The following UCK2 variants were observed in gnomAD, a reference collection of about 807,000 sequenced individuals.
UCK2 encodes the protein cytidine monophosphokinase 2.
UCK2 carries 6 observed loss-of-function variants against 30.8 expected under a neutral mutation model. The observed-to-expected ratio is 0.19, with a 90% confidence interval of 0.11 to 0.38. The LOEUF is 0.38. Ranked by LOEUF, UCK2 falls within the 10% of genes least tolerant of loss-of-function variation. The probability of loss-of-function intolerance (pLI) is 1.00; values close to 1 mark genes in which losing one functional copy is unlikely to be tolerated. For missense variants in UCK2, 210 were observed against 339.8 expected (o/e 0.62, Z 3.00); for synonymous variants, 125 against 133.6 (o/e 0.94, Z 0.45).
chr1:165,898,403 A>G (rs977634764), intron 4 of UCK2, among the ~76,000 whole-genome samples: 2 of 152,210 alleles, frequency 1.3e-5, no homozygotes, highest in African/African-American at 2.4e-5. Flanking sequence ...ATAAATATCT[A>G]TGTGGCAGAT....
intron 1 of UCK2, among the ~76,000 whole-genome samples, chr1:165,881,182 T>TAAAAAA (rs56886913): frequency 5.4e-5 from 5 of 92,848 alleles, no homozygotes; most frequent in African/African-American, 1.3e-4. Flanking sequence ...CAATAAAACT[T>TAAAAAA]AAAAAAAAAA....
intron 1 of UCK2, among the ~76,000 whole-genome samples, chr1:165,842,483 T>A (rs1365330477): frequency 1.3e-5 from 2 of 152,172 alleles, no homozygotes; most frequent in South Asian, 2.1e-4. Context: ...TCCACACAGA[T>A]GTACAAGACA....
At chr1:165,846,380 T>TTGACTG (rs1424613611) in intron 1 of UCK2, among the ~76,000 whole-genome samples, 1 of 152,228 alleles carries the variant, frequency 6.6e-6, no homozygotes, top group Non-Finnish European at 1.5e-5. Context: ...GTATGGGATT[T>TTGACTG]TGACTGTGGT....
At chr1:165,842,872 C>T (rs557475209) in intron 1 of UCK2, among the ~76,000 whole-genome samples, 4 of 152,306 alleles carry the variant, frequency 2.6e-5, no homozygotes, top group South Asian at 2.1e-4. Context: ...TTTGCCTTAT[C>T]GGTCCTCCCC....
chr1:165,859,794 A>G (rs943430879), intron 1 of UCK2, among the ~76,000 whole-genome samples: 5 of 152,164 alleles, frequency 3.3e-5, no homozygotes, highest in African/African-American at 1.2e-4. Context: ...GAACTAAGTC[A>G]TGAGTGAGAC....
At chr1:165,829,615 AC>A in intron 1 of UCK2, among the ~76,000 whole-genome samples, 1 of 152,304 alleles carries the variant, frequency 6.6e-6, no homozygotes, top group East Asian at 1.9e-4. Context: ...GAAAACTGCG[AC>A]CCTAAAAGGT....
chr1:165,890,382 G>T lies in UCK2; in HGVS notation c.259+19G>T, dbSNP rs200990768. The T allele has an allele frequency of 3.3e-3, 5,280 of 1,612,872 alleles. 17 individuals are homozygous for T. Among genetic ancestry groups the T allele is most frequent in the Middle Eastern group, 4.3e-3 (26 of 6,058 alleles). The stretch of plus-strand genomic sequence containing the variant: ...CACCCGGGTGAGTCGGGCATTGAAG[G>T]GGGTATGTATCTGTATTGGTGTGTT... On this transcript the variant is annotated intron_variant, in intron 2 of 6. Coordinates refer to ENST00000367879, the MANE Select transcript of UCK2 (RefSeq NM_012474.5).
chr1:165,853,277 C>T (rs896102912), intron 1 of UCK2, among the ~76,000 whole-genome samples: 2 of 152,054 alleles, frequency 1.3e-5, no homozygotes, highest in South Asian at 4.1e-4. Context: ...TTTTAATGCC[C>T]ACCTTTATTT....
rs559936774 is a variant in UCK2, at chr1:165,844,107, G to T, written c.99+16175G>T. ...AACATGGGAAGACTGTAGCACCAAG[G>T]AGTTAAGTACCCACTGTGTATAGAG... On this transcript the variant is annotated intron_variant, in intron 1 of 6. Transcript: ENST00000367879. 1.3e-5 allele frequency among the ~76,000 whole-genome samples: 2 copies of T among 152,132 alleles called. 1 individual carries two copies. Among genetic ancestry groups the T allele is most frequent in the South Asian group, 4.1e-4 (2 of 4,832 alleles).
chr1:165,868,860 A>G lies in UCK2; in HGVS notation c.100-21344A>G, dbSNP rs76227845. Among the ~76,000 whole-genome samples the G allele has an allele frequency of 2.8e-3, 422 of 152,344 alleles. 2 individuals carry two copies. The highest frequency in any genetic ancestry group is 9.5e-3 in the African/African-American group (394 of 41,594). On this transcript the variant is annotated intron_variant, in intron 1 of 6. Coordinates refer to ENST00000367879, the MANE Select transcript of UCK2 (RefSeq NM_012474.5). ...TTCACATCTTGGCTGACTCCTTGGC[A>G]TAAGAGGCCTAGCTTTTGACCTGTC...
intron 1 of UCK2, among the ~76,000 whole-genome samples, chr1:165,884,700 G>A (rs1571291065): frequency 6.6e-6 from 1 of 152,226 alleles, no homozygotes; most frequent in East Asian, 1.9e-4. Context: ...AACTAACATA[G>A]TAAGATTGTG....
intron 3 of UCK2, 26 bp from the exon 4 acceptor site, chr1:165,896,164 C>T: frequency 6.2e-7 from 1 of 1,613,360 alleles, no homozygotes; most frequent in South Asian, 1.1e-5. Context: ...CCTGGCTTGG[C>T]CCATTATCTG....
chr1:165,889,971 C>G (rs1655724967), intron 1 of UCK2, among the ~76,000 whole-genome samples: 1 of 152,084 alleles, frequency 6.6e-6, no homozygotes, highest in South Asian at 2.1e-4. Context: ...TGTTAGTTTG[C>G]TAAGGATAGT....
At chr1:165,850,767 C>A (rs1304656976) in intron 1 of UCK2, among the ~76,000 whole-genome samples, 1 of 151,568 alleles carries the variant, frequency 6.6e-6, no homozygotes, top group Admixed American at 6.6e-5. Context: ...TACAGGCGCC[C>A]GCCACCACAC....
intron 4 of UCK2, among the ~76,000 whole-genome samples, chr1:165,899,849 T>C (rs1647394383): frequency 6.6e-6 from 1 of 152,278 alleles, no homozygotes; most frequent in East Asian, 1.9e-4. Flanking sequence ...TGTCCTTGGC[T>C]CAGGGAGGCA....
At chr1:165,851,242 C>T (rs959964707) in intron 1 of UCK2, among the ~76,000 whole-genome samples, 2 of 152,220 alleles carry the variant, frequency 1.3e-5, no homozygotes, top group Non-Finnish European at 2.9e-5. Flanking sequence ...TTGTGAAAGG[C>T]ACATTGTCAT....
intron 1 of UCK2, among the ~76,000 whole-genome samples, chr1:165,849,231 A>G (rs998050771): frequency 6.6e-6 from 1 of 152,156 alleles, no homozygotes; most frequent in African/African-American, 2.4e-5. Flanking sequence ...GGCAGAGCAT[A>G]AGGATAAAGG....
In UCK2 at chr1:165,908,137, T is replaced by C. The variant is rs1373049808; in HGVS notation, c.*314T>C. ...TATTTTTGTGTAAATGTACAAATAC[T>C]GTAAAGCTGTTTGCCATAAGTATTT... On this transcript the variant is annotated 3_prime_UTR_variant, in exon 7 of 7. Coordinates refer to ENST00000367879, the MANE Select transcript of UCK2 (RefSeq NM_012474.5). 1 of 196,306 alleles carries C rather than the reference T, an allele frequency of 5.1e-6. No individual in the cohort carries two copies. 12.2% of individuals were successfully genotyped at this position (196,306 alleles called of 1,614,324 possible).
chr1:165,890,138 C>A (rs891558470), intron 1 of UCK2, 66 bp from the exon 2 acceptor site: 2 of 1,577,494 alleles, frequency 1.3e-6, no homozygotes, highest in Non-Finnish European at 1.7e-6. Context: ...TGGTTACTCT[C>A]GGGACTTCCT....
Sources: allele counts gnomAD v4.1 joint callset (sites outside exome capture counted in the v4.1 genomes callset), GRCh38; gene constraint gnomAD v4.1.1; transcripts MANE v1.5; gene names NCBI Gene and HGNC (gene_info 2026-07-23, HGNC 2026-07-21).